The following PHACTR4 variants were observed in gnomAD, a reference collection of about 807,000 sequenced individuals.
PHACTR4 encodes the protein phosphatase and actin regulator 4, also known as protein phosphatase 1, regulatory subunit 124.
A neutral mutation model predicts 72.7 loss-of-function variants in PHACTR4; 51 were observed. That is an observed-to-expected ratio of 0.70 (90% CI 0.56 to 0.89). PHACTR4 has a LOEUF of 0.89. Ranked by LOEUF, PHACTR4 falls within the 40% of genes least tolerant of loss-of-function variation. The pLI is 0.00. For synonymous variants in PHACTR4, 255 were observed against 302.5 expected, an observed-to-expected ratio of 0.84 and a Z score of 1.63; for missense variants, 731 against 861.8, an observed-to-expected ratio of 0.85 and a Z score of 1.90.
chr1:28,407,795 C>T (rs567198356), intron 2 of PHACTR4, among the ~76,000 whole-genome samples: 112 of 152,186 alleles, frequency 7.4e-4, no homozygotes, highest in African/African-American at 2.6e-3. Context: ...AATCAAGAAC[C>T]ATTTGACAAG....
chr1:28,417,423 T>A (rs549980531), intron 2 of PHACTR4, among the ~76,000 whole-genome samples: 32 of 152,134 alleles, frequency 2.1e-4, no homozygotes, highest in Non-Finnish European at 4.6e-4. Flanking sequence ...ATAGAACAAA[T>A]AAGTAAAACA....
Position 28,485,695 on chromosome 1 carries a change from T to C in PHACTR4, c.1761-3475T>C, listed in dbSNP as rs538425757. 7.3e-5 allele frequency among the ~76,000 whole-genome samples: 11 copies of C among 149,918 alleles called. No homozygotes were observed. In the South Asian group the frequency reaches 2.1e-3, roughly 29 times the overall value. On this transcript the variant is annotated intron_variant, in intron 9 of 13. Transcript: ENST00000373839. ...GCAGGCGTATCACGAGGTCAGGAGT[T>C]CCAGACCAGCCTGACCAACATGGTG...
At chr1:28,455,169 C>T (rs1329530095) in intron 2 of PHACTR4, among the ~76,000 whole-genome samples, 1 of 104,840 alleles carries the variant, frequency 9.5e-6, no homozygotes, top group African/African-American at 4.8e-5. Context: ...CGCATCTGGC[C>T]TCATTTTTCT....
In PHACTR4 at chr1:28,480,646, C is replaced by T. The variant is rs1328460422; in HGVS notation, c.1760+42C>T. 3 of 1,608,444 alleles carry T rather than the reference C, an allele frequency of 1.9e-6. No homozygotes were observed. The Admixed American group carries it at 5.0e-5, about 27-fold the overall frequency. On this transcript the variant is annotated intron_variant, in intron 9 of 13. Transcript: ENST00000373839. Reference sequence around the variant, plus strand: ...ATTTGCTTGATTGATTTGGTTATGCCAGTATTTGTGTTAGATGTTGTTAGA... The same window carrying T: ...ATTTGCTTGATTGATTTGGTTATGCTAGTATTTGTGTTAGATGTTGTTAGA...
chr1:28,402,635 A>G (rs1654024106), intron 1 of PHACTR4, among the ~76,000 whole-genome samples: 1 of 152,120 alleles, frequency 6.6e-6, no homozygotes. Context: ...GGTGCTTACT[A>G]GGTGCTGTGG....
chr1:28,441,993 A>G (rs937799476), intron 2 of PHACTR4, among the ~76,000 whole-genome samples: 2 of 152,118 alleles, frequency 1.3e-5, no homozygotes, highest in Non-Finnish European at 2.9e-5. Flanking sequence ...CACTGTCTCA[A>G]GAAAAAGAAA....
chr1:28,466,748 G>A lies in PHACTR4; in HGVS notation c.803G>A (p.Arg268Lys), dbSNP rs1190895083. The A allele has an allele frequency of 6.2e-7, 1 of 1,611,504 alleles. No homozygotes were observed. The highest frequency in any genetic ancestry group is 1.7e-5 in the Admixed American group (1 of 59,868). Reference protein sequence around the residue: ...PPIPPPKPAHRNSNPVIAELS... With the variant: ...PPIPPPKPAHKNSNPVIAELS... ...ATCCCTCCCCCTAAACCAGCTCACA[G>A]AAATAGCAACCCTGTCATTGGTAAG... The change falls in exon 6 of 14, where the codon AGA (arginine) becomes AAA (lysine). Residue 268 changes from arginine to lysine, a missense_variant. Arg to Lys is a conservative substitution (Grantham distance 26). Coordinates refer to ENST00000373839, the MANE Select transcript of PHACTR4 (RefSeq NM_001048183.3).
chr1:28,390,127 A>G (rs11247797), intron 1 of PHACTR4, among the ~76,000 whole-genome samples: 53,698 of 152,136 alleles, frequency 0.35, 10,304 homozygotes, highest in African/African-American at 0.49. Flanking sequence ...AGAAAGACAA[A>G]TGCTGCATGC....
chr1:28,381,969 T>C (rs1463763679), intron 1 of PHACTR4, among the ~76,000 whole-genome samples: 4 of 152,070 alleles, frequency 2.6e-5, no homozygotes, highest in Non-Finnish European at 5.9e-5. Context: ...GGTTTCAACA[T>C]GTTGGCCAGG....
At chr1:28,376,598 G>A (rs973775723) in intron 1 of PHACTR4, among the ~76,000 whole-genome samples, 5 of 151,876 alleles carry the variant, frequency 3.3e-5, no homozygotes, top group African/African-American at 1.2e-4. Flanking sequence ...CAAAGTGCTG[G>A]GATTACAGGC....
chr1:28,381,009 T>A (rs1419265972), intron 1 of PHACTR4, among the ~76,000 whole-genome samples: 4 of 57,124 alleles, frequency 7.0e-5, no homozygotes, highest in African/African-American at 1.6e-4. Context: ...ATTTTTTGAA[T>A]TTTTTTTTTT....
At chr1:28,418,988 C>T (rs527839390) in intron 2 of PHACTR4, among the ~76,000 whole-genome samples, 25 of 150,978 alleles carry the variant, frequency 1.7e-4, no homozygotes, top group Admixed American at 3.3e-4. Flanking sequence ...AATCATTTGA[C>T]CTTTCTATCC....
At chr1:28,406,418 ACTCTT>A (rs1371277870) in intron 1 of PHACTR4, among the ~76,000 whole-genome samples, 2 of 151,808 alleles carry the variant, frequency 1.3e-5, no homozygotes, top group East Asian at 3.9e-4. Context: ...GGTAAAAACT[ACTCTT>A]GAGGGGGAAA....
intron 8 of PHACTR4, among the ~76,000 whole-genome samples, chr1:28,479,467 CAGCT>C (rs1660133107): frequency 6.6e-6 from 1 of 151,116 alleles, no homozygotes; most frequent in Non-Finnish European, 1.5e-5. Context: ...CCTGTAACCC[CAGCT>C]ACTCAGGAGG....
intron 1 of PHACTR4, among the ~76,000 whole-genome samples, chr1:28,383,251 G>C (rs1211465534): frequency 6.6e-6 from 1 of 152,050 alleles, no homozygotes; most frequent in Non-Finnish European, 1.5e-5. Context: ...TGCTGTATTG[G>C]TTACTGTAGC....
chr1:28,447,288 A>C lies in PHACTR4; in HGVS notation c.17-11797A>C, dbSNP rs146996344. Among the ~76,000 whole-genome samples, 9 of 152,294 alleles carry C rather than the reference A, an allele frequency of 5.9e-5. No homozygotes were observed. The East Asian group carries it at 1.7e-3, about 29-fold the overall frequency. On this transcript the variant is annotated intron_variant, in intron 2 of 13. Transcript: ENST00000373839. ...TGGCCTCCCAAAGTGCTGGGATTAC[A>C]GGTGTGAGCCACTGTACCTGGCCTC...
At chr1:28,383,063 G>A (rs1184223229) in intron 1 of PHACTR4, among the ~76,000 whole-genome samples, 4 of 152,156 alleles carry the variant, frequency 2.6e-5, no homozygotes, top group Non-Finnish European at 5.9e-5. Context: ...AAAGTGTTGG[G>A]ATTACAGGCA....
intron 1 of PHACTR4, among the ~76,000 whole-genome samples, chr1:28,375,059 G>A (rs141488804): frequency 0.038 from 5,856 of 152,278 alleles, 168 homozygotes; most frequent in Admixed American, 0.074. Context: ...AGCACTCTGG[G>A]AGGCCAAGGC....
At chr1:28,375,127 C>T (rs1245495376) in intron 1 of PHACTR4, among the ~76,000 whole-genome samples, 2 of 152,084 alleles carry the variant, frequency 1.3e-5, no homozygotes, top group African/African-American at 4.8e-5. Context: ...GGCGAAACCC[C>T]ATCTCTACTA....
Sources: allele counts gnomAD v4.1 joint callset (sites outside exome capture counted in the v4.1 genomes callset), GRCh38; gene constraint gnomAD v4.1.1; transcripts MANE v1.5; gene names NCBI Gene and HGNC (gene_info 2026-07-23, HGNC 2026-07-21).